LCT: variants seen among roughly 807,000 people sequenced by gnomAD.
LCT encodes the protein lactase, also known as lactase/phlorizin hydrolase.
LCT carries 90 observed loss-of-function variants against 173.0 expected under a neutral mutation model. That is an observed-to-expected ratio of 0.52 (90% CI 0.44 to 0.62). The LOEUF (loss-of-function observed/expected upper bound fraction) is 0.62, where lower values mean the gene tolerates loss of function less well. Among genes scored for constraint, LCT ranks in the 20% least tolerant of loss-of-function variants. The pLI, the probability that LCT is intolerant of heterozygous loss-of-function variation, is 0.00. For synonymous variants in LCT, 853 were observed against 957.6 expected (o/e 0.89, Z 2.02); for missense variants, 1,864 against 2,431.4 (o/e 0.77, Z 4.91).
chr2:135,792,170 C>T (rs958494476), intron 14 of LCT, among the ~76,000 whole-genome samples: 1 of 152,114 alleles, frequency 6.6e-6, no homozygotes, highest in African/African-American at 2.4e-5. Flanking sequence ...ACCTAGAGCG[C>T]AAGTGGATTT....
At chr2:135,834,400 T>A (rs1218707258) in intron 1 of LCT, among the ~76,000 whole-genome samples, 2 of 149,816 alleles carry the variant, frequency 1.3e-5, no homozygotes, top group Admixed American at 1.3e-4. Context: ...TTAGCCAGGA[T>A]GGTCTCGATC....
At chr2:135,832,490 A>AT (rs1048373741) in intron 2 of LCT, among the ~76,000 whole-genome samples, 164 of 147,456 alleles carry the variant, frequency 1.1e-3, no homozygotes, top group African/African-American at 1.9e-3. Context: ...TACATTTTTA[A>AT]TTTTTTTTTT....
At position 135,837,065 on chromosome 2, in the gene LCT, T is replaced by G; in HGVS notation, c.105A>C (p.Leu35=). ...TCAGGTTGTGCAGCAAGTCATTGGT[T>G]AGAGGACCAGCGGTGGAAATGAAAT... The part of the protein sequence containing the change: ...DRNFISTAGP[L]TNDLLHNLSG... The change falls in exon 1 of 17, where the codon CTA becomes CTC. Residue 35 remains leucine (L), a synonymous_variant. Transcript: ENST00000264162. The G allele has an allele frequency of 6.2e-7, 1 of 1,614,078 alleles. No homozygotes were observed.
In LCT at chr2:135,815,840, C is replaced by T. The variant is rs143080659; in HGVS notation, c.1707+1501G>A. ...TCAGCCTCCCAAGTAGATGGGATTA[C>T]AGGCACCCACCAACATATCTGGCTA... On this transcript the variant is annotated intron_variant, in intron 6 of 16. Transcript: ENST00000264162. Among the ~76,000 whole-genome samples, 445 of 152,134 alleles carry T rather than the reference C, an allele frequency of 2.9e-3. 4 individuals are homozygous for T. Among genetic ancestry groups the T allele is most frequent in the South Asian group, 0.023 (109 of 4,792 alleles).
At chr2:135,788,711 G>A (rs1001750253) in intron 16 of LCT, among the ~76,000 whole-genome samples, 167 bp from the exon 17 acceptor site, 7 of 152,206 alleles carry the variant, frequency 4.6e-5, no homozygotes, top group Non-Finnish European at 5.9e-5. Context: ...GAGCCTCTGA[G>A]TGAAGTTAAG....
chr2:135,810,055 C>A, intron 7 of LCT, 62 bp from the exon 8 acceptor site: 1 of 1,232,132 alleles, frequency 8.1e-7, no homozygotes, highest in South Asian at 1.3e-5. Flanking sequence ...GAGATGGGGT[C>A]TCACTGTATT....
At chr2:135,827,048 G>T (rs898796888) in intron 3 of LCT, among the ~76,000 whole-genome samples, 1 of 151,870 alleles carries the variant, frequency 6.6e-6, no homozygotes, top group African/African-American at 2.4e-5. Flanking sequence ...GCGCCATCTC[G>T]GCTCACTGCA....
In LCT at chr2:135,823,950, G is replaced by C; in HGVS notation, c.858C>G (p.Cys286Trp). 3 of 1,613,988 alleles carry C rather than the reference G, an allele frequency of 1.9e-6. No homozygotes were observed. Among genetic ancestry groups the C allele is most frequent in the Non-Finnish European group, 2.5e-6 (3 of 1,179,872 alleles). ...VFIFNLKLPD[C>W]PSTMKNPASL... ...TGGCTGGGTTCTTCATGGTGGAGGG[G>C]CAGTCTGGGAGTTTTAGGTTGAAGA... The change falls in exon 4 of 17, where the codon TGC becomes TGG. Residue 286 changes from cysteine to tryptophan, a missense_variant. Coordinates refer to ENST00000264162, the MANE Select transcript of LCT (RefSeq NM_002299.4).
At position 135,828,982 on chromosome 2, in the gene LCT, G is replaced by A. The variant is rs563345841; in HGVS notation, c.804+611C>T. 1.4e-4 allele frequency among the ~76,000 whole-genome samples: 22 copies of A among 152,324 alleles called. No homozygotes were observed. In the South Asian group the frequency reaches 4.3e-3, roughly 30 times the overall value. The stretch of plus-strand genomic sequence containing the variant: ...AAGGTGGGCGGATCACTTTAGGTCA[G>A]GAGTTTGAGACCAACGTGACCAACA... On this transcript the variant is annotated intron_variant, in intron 3 of 16. Transcript: ENST00000264162.
Position 135,790,962 on chromosome 2 carries a change from A to G in LCT, c.5112-81T>C. On this transcript the variant is annotated intron_variant, in intron 14 of 16. Coordinates refer to ENST00000264162, the MANE Select transcript of LCT (RefSeq NM_002299.4). This position sits in a 1 kb window ranked among gnomAD's most constrained non-coding sequence, Gnocchi z 4.1. ...TTACACGAAACACAAAACAGGACTT[A>G]GACCAGGAAAAGCCTTAGGTTTTGT... 2.9e-6 allele frequency: 3 copies of G among 1,040,294 alleles called. No homozygotes were observed. Among genetic ancestry groups the G allele is most frequent in the Non-Finnish European group, 4.5e-6 (3 of 667,274 alleles). The allele number at this position is 1,040,294 out of a possible 1,614,324, so 64.4% of individuals were successfully genotyped here.
At chr2:135,814,545 T>C (rs1045975581) in intron 6 of LCT, among the ~76,000 whole-genome samples, 4 of 148,960 alleles carry the variant, frequency 2.7e-5, no homozygotes, top group African/African-American at 9.9e-5. Flanking sequence ...TGAGATGGAG[T>C]CTCGCTCTGT....
At chr2:135,831,896 C>A (rs1326328101) in intron 2 of LCT, among the ~76,000 whole-genome samples, 1 of 152,120 alleles carries the variant, frequency 6.6e-6, no homozygotes, top group African/African-American at 2.4e-5. Flanking sequence ...TGTTCACTTC[C>A]CAGATTATTT....
chr2:135,789,816 A>C lies in LCT; in HGVS notation c.5336-18T>G. ...CTGCACAGCTGCTCAAACACAGAGG[A>C]CTAGGCATAAGTTTCCTATCTCATA... On this transcript the variant is annotated intron_variant, in intron 15 of 16. Transcript: ENST00000264162. 6.2e-7 allele frequency: 1 copy of C among 1,603,086 alleles called. No individual in the cohort carries two copies. Among genetic ancestry groups the C allele is most frequent in the Non-Finnish European group, 8.5e-7 (1 of 1,169,962 alleles).
At chr2:135,821,845 G>A (rs1366732475) in intron 5 of LCT, 175 bp downstream of exon 5, 1 of 615,950 alleles carries the variant, frequency 1.6e-6, no homozygotes, top group Non-Finnish European at 2.9e-6. Context: ...GTCCCACTCA[G>A]TAAGAGACTC....
rs768860780 is a variant in LCT, at chr2:135,836,623, G to T, written c.547C>A (p.Pro183Thr). Residue 183 changes from proline (P) to threonine (T), a missense_variant, in exon 1 of 17, where the codon CCC becomes ACC. Coordinates refer to ENST00000264162, the MANE Select transcript of LCT (RefSeq NM_002299.4). The part of the protein sequence containing the change: ...SDLEEVIKEL[P>T]HQESRASQLQ... The stretch of plus-strand genomic sequence containing the variant: ...TGTGACGCTCTTGATTCCTGGTGGG[G>T]AAGCTCCTTGATCACTTCCTCCAAG... 1 of 1,614,118 alleles carries T rather than the reference G, an allele frequency of 6.2e-7. No individual in the cohort carries two copies. Among genetic ancestry groups the T allele is most frequent in the Admixed American group, 1.7e-5 (1 of 60,030 alleles).
chr2:135,836,001 T>TAC (rs1679346172), intron 1 of LCT, among the ~76,000 whole-genome samples: 1 of 26,068 alleles, frequency 3.8e-5, no homozygotes, highest in African/African-American at 6.6e-5. Context: ...TATATATATA[T>TAC]ATATATATAT....
chr2:135,788,580 G>A, intron 16 of LCT, 36 bp from the exon 17 acceptor site: 1 of 1,341,840 alleles, frequency 7.5e-7, no homozygotes, highest in Non-Finnish European at 1.1e-6. Flanking sequence ...TGGTGCTCTG[G>A]CGCTGATTTG....
At chr2:135,835,531 T>C (rs1238437976) in intron 1 of LCT, among the ~76,000 whole-genome samples, 10 of 100,622 alleles carry the variant, frequency 9.9e-5, no homozygotes, top group South Asian at 8.5e-4. Context: ...TATATATATA[T>C]CAGGTACTAT....
Position 135,822,086 on chromosome 2 carries a change from T to C in LCT, c.920A>G (p.Asp307Gly), listed in dbSNP as rs746101739. Residue 307 changes from aspartate (D) to glycine (G), a missense_variant, in exon 5 of 17, where the codon GAC (aspartate) becomes GGC (glycine). Physicochemically the swap from Asp to Gly is moderately conservative, Grantham distance 94. Transcript: ENST00000264162. ...LFSLFEAINK[D>G]QVLTIGFDIN... is the part of the protein sequence containing the mutation. ...ATCAAACCCAATGGTGAGCACTTGG[T>C]CTTTATTTATGGCTGTAAGAGAAGA... 4 of 1,590,598 alleles carry C rather than the reference T, an allele frequency of 2.5e-6. 1 individual carries two copies. Among genetic ancestry groups the C allele is most frequent in the South Asian group, 2.2e-5 (2 of 90,632 alleles).
Sources: allele counts gnomAD v4.1 joint callset (sites outside exome capture counted in the v4.1 genomes callset), GRCh38; gene constraint gnomAD v4.1.1; non-coding constraint Gnocchi (gnomAD v3.1); transcripts MANE v1.5; gene names NCBI Gene and HGNC (gene_info 2026-07-23, HGNC 2026-07-21).